MBNL2: variants seen among roughly 807,000 people sequenced by gnomAD.
MBNL2 encodes the protein muscleblind like splicing regulator 2.
MBNL2 carries 17 observed loss-of-function variants against 41.9 expected under a neutral mutation model. The ratio of observed to expected loss-of-function variants is 0.41; its 90% CI spans 0.28 to 0.61. MBNL2 has a LOEUF of 0.61. Ranked by LOEUF, MBNL2 falls within the 20% of genes least tolerant of loss-of-function variation. The probability of loss-of-function intolerance (pLI) is 0.35; values close to 1 mark genes in which losing one functional copy is unlikely to be tolerated. For missense variants in MBNL2, 336 were observed against 505.6 expected (o/e 0.66, Z 3.22); for synonymous variants, 195 against 182.9 (o/e 1.07, Z -0.53).
chr13:97,287,113 G>A (rs2054617999), intron 2 of MBNL2, among the ~76,000 whole-genome samples: 1 of 152,202 alleles, frequency 6.6e-6, no homozygotes, highest in Non-Finnish European at 1.5e-5. Context: ...CAGTGCTACA[G>A]GCTTTGTACA....
chr13:97,257,869 G>A (rs1175608655), intron 1 of MBNL2, among the ~76,000 whole-genome samples: 2 of 152,318 alleles, frequency 1.3e-5, no homozygotes, highest in African/African-American at 2.4e-5. Flanking sequence ...AGTTGCTCGC[G>A]CCCAAGGGCA....
chr13:97,368,647 C>T (rs1216983153), intron 8 of MBNL2, among the ~76,000 whole-genome samples: 3 of 151,460 alleles, frequency 2.0e-5, no homozygotes, highest in Non-Finnish European at 4.4e-5. Context: ...TTCTTTGGCT[C>T]CATTTAGTAG....
chr13:97,188,999 CATCCCTCCATCTAGGGAGACTTT>C, the MBNL2 span, among the ~76,000 whole-genome samples: 1 of 152,176 alleles, frequency 6.6e-6, no homozygotes, highest in Non-Finnish European at 1.5e-5. Flanking sequence ...ACAATTCATA[CATCCCTCCATCTAGGGAGACTTT>C]GTCACTCCAG....
chr13:97,306,017 A>AT (rs35874136), intron 2 of MBNL2, among the ~76,000 whole-genome samples: 4 of 152,264 alleles, frequency 2.6e-5, no homozygotes, highest in African/African-American at 9.6e-5. Context: ...GTGTCCTGGC[A>AT]TTTTTTGTGC....
chr13:97,278,855 G>T (rs536810317), intron 2 of MBNL2, among the ~76,000 whole-genome samples: 3 of 152,224 alleles, frequency 2.0e-5, no homozygotes, highest in South Asian at 4.1e-4. Flanking sequence ...ATGTGAAAAC[G>T]GCCCACAGGC....
At chr13:97,263,702 C>G (rs980195116) in intron 1 of MBNL2, among the ~76,000 whole-genome samples, 2 of 152,092 alleles carry the variant, frequency 1.3e-5, no homozygotes, top group African/African-American at 4.8e-5. Context: ...ACTGCAAGCT[C>G]TGCCTCCTGG....
At chr13:97,279,016 A>G (rs1159273473) in intron 2 of MBNL2, among the ~76,000 whole-genome samples, 1 of 152,254 alleles carries the variant, frequency 6.6e-6, no homozygotes, top group Middle Eastern at 3.2e-3. Context: ...GTCTGTAGCA[A>G]CACGCTGGCA....
At chr13:97,328,312 T>C (rs2060086220) in intron 2 of MBNL2, among the ~76,000 whole-genome samples, 1 of 151,944 alleles carries the variant, frequency 6.6e-6, no homozygotes, top group South Asian at 2.1e-4. Flanking sequence ...CCATGTGGAA[T>C]GCGAGGAATT....
chr13:97,377,988 G>T (rs1048098338), intron 8 of MBNL2, among the ~76,000 whole-genome samples: 5 of 152,200 alleles, frequency 3.3e-5, no homozygotes, highest in African/African-American at 9.7e-5. Context: ...TTGAAAGACA[G>T]ATGTTTATTA....
At chr13:97,305,020 T>G (rs141515690) in intron 2 of MBNL2, among the ~76,000 whole-genome samples, 27 of 152,334 alleles carry the variant, frequency 1.8e-4, no homozygotes, top group African/African-American at 6.0e-4. Flanking sequence ...AGGTTGAAAA[T>G]CAGTCTTCTG....
upstream of MBNL2, among the ~76,000 whole-genome samples, chr13:97,220,847 G>A (rs1298643261): frequency 6.6e-6 from 1 of 152,188 alleles, no homozygotes; most frequent in Non-Finnish European, 1.5e-5. Flanking sequence ...AGCAGAGGGA[G>A]ATGAGGAAGA....
chr13:97,197,104 C>G, the MBNL2 span, among the ~76,000 whole-genome samples: 1 of 152,310 alleles, frequency 6.6e-6, no homozygotes, highest in Non-Finnish European at 1.5e-5. Flanking sequence ...ACTGGGAGGT[C>G]AGATGCCTCC....
intron 2 of MBNL2, among the ~76,000 whole-genome samples, chr13:97,282,316 C>A (rs1292817323): frequency 6.6e-6 from 1 of 152,078 alleles, no homozygotes; most frequent in Non-Finnish European, 1.5e-5. Flanking sequence ...GATTGCACCA[C>A]TGTACTCCAG....
At chr13:97,238,605 A>G in intron 1 of MBNL2, among the ~76,000 whole-genome samples, 1 of 152,196 alleles carries the variant, frequency 6.6e-6, no homozygotes, top group East Asian at 1.9e-4. Flanking sequence ...CCTTTGGGAA[A>G]GTCCCTTTTT....
chr13:97,374,063 A>ATTCTTTTTTTTTT (rs2064689071), intron 8 of MBNL2, among the ~76,000 whole-genome samples: 2 of 63,128 alleles, frequency 3.2e-5, no homozygotes, highest in African/African-American at 5.6e-5. Context: ...CCTCCTTTGC[A>ATTCTTTTTTTTTT]TTTTTTTTTT....
the MBNL2 span, among the ~76,000 whole-genome samples, chr13:97,203,830 T>C: frequency 6.6e-6 from 1 of 152,068 alleles, no homozygotes; most frequent in East Asian, 1.9e-4. Flanking sequence ...GCCTGGCATA[T>C]AGTCAGTATT....
chr13:97,181,531 T>TA, the MBNL2 span, among the ~76,000 whole-genome samples: 1 of 152,186 alleles, frequency 6.6e-6, no homozygotes, highest in Non-Finnish European at 1.5e-5. Flanking sequence ...AAGTTGTTTT[T>TA]ACCAAAAAAA....
intron 1 of MBNL2, among the ~76,000 whole-genome samples, chr13:97,244,171 C>A (rs980710414): frequency 3.3e-5 from 5 of 152,138 alleles, no homozygotes; most frequent in African/African-American, 1.2e-4. Context: ...TTGTAAAATT[C>A]CAATGTGATT....
At chr13:97,365,038 T>C (rs551498284) in intron 7 of MBNL2, 98 bp from the exon 8 acceptor site, 1 of 818,016 alleles carries the variant, frequency 1.2e-6, no homozygotes, top group African/African-American at 1.7e-5. Context: ...TACTTATTTC[T>C]GGTTGTGCTT....
Sources: allele counts gnomAD v4.1 joint callset (sites outside exome capture counted in the v4.1 genomes callset), GRCh38; gene constraint gnomAD v4.1.1; transcripts MANE v1.5; gene names NCBI Gene and HGNC (gene_info 2026-07-23, HGNC 2026-07-21).